The following PCDHGB2 variants were observed in gnomAD, a reference collection of about 807,000 sequenced individuals.
PCDHGB2 encodes protocadherin gamma subfamily B, 2, also known as protocadherin gamma-B2.
A neutral mutation model predicts 59.3 loss-of-function variants in PCDHGB2; 55 were observed. The ratio of observed to expected loss-of-function variants is 0.93; its 90% CI spans 0.75 to 1.16. The LOEUF (loss-of-function observed/expected upper bound fraction) is 1.16, where lower values mean the gene tolerates loss of function less well. PCDHGB2 is among the 50% of genes most tolerant of loss of function. The pLI is 0.00. For synonymous variants in PCDHGB2, 516 were observed against 512.0 expected (o/e 1.01, Z -0.11); for missense variants, 1,228 against 1,198.5 (o/e 1.02, Z -0.36).
chr5:141,496,923 C>T (rs963522127), intron 2 of PCDHGB2, among the ~76,000 whole-genome samples: 9 of 150,728 alleles, frequency 6.0e-5, no homozygotes, highest in East Asian at 1.9e-4. Context: ...CTGTGGTTCA[C>T]GCCTGTAATC....
At chr5:141,427,426 C>G (rs569185252) in intron 1 of PCDHGB2, 1 of 469,896 alleles carries the variant, frequency 2.1e-6, no homozygotes, top group Admixed American at 2.3e-5. Flanking sequence ...GGGGAGGTTA[C>G]ATGCCTCATA....
rs1486554010 is a variant in PCDHGB2 at position 141,431,630 on chromosome 5, G to C, written c.2422-63177G>C. Reference sequence around the variant, plus strand: ...GTATGTGGACGACAAGGCGGCCCAAGTTTTCAAACTAGATTGTAATTCAGG... The same window carrying C: ...GTATGTGGACGACAAGGCGGCCCAACTTTTCAAACTAGATTGTAATTCAGG... On this transcript the variant is annotated intron_variant, in intron 1 of 3. Transcript: ENST00000522605. This position sits in a 1 kb window ranked among gnomAD's most constrained non-coding sequence, Gnocchi z 4.8. 6.2e-7 allele frequency: 1 copy of C among 1,614,250 alleles called. No individual in the cohort carries two copies. Among genetic ancestry groups the C allele is most frequent in the East Asian group, 2.2e-5 (1 of 44,882 alleles).
intron 1 of PCDHGB2, chr5:141,383,627 C>G: frequency 1.2e-6 from 2 of 1,613,952 alleles, no homozygotes; most frequent in South Asian, 1.1e-5. Context: ...CCTGTCTTCT[C>G]TCTGCCTCAG....
chr5:141,364,631 C>G lies in PCDHGB2; in HGVS notation c.2421+2075C>G, dbSNP rs1185319581. ...GGAGGAGCTCTGCGCTCAGAGCCCA[C>G]TGTGTGTGGTGAACTTTAACATCTT... On this transcript the variant is annotated intron_variant, in intron 1 of 3. Coordinates refer to ENST00000522605, the MANE Select transcript of PCDHGB2 (RefSeq NM_018923.3). 1.2e-6 allele frequency: 2 copies of G among 1,614,122 alleles called. No individual in the cohort carries two copies. Among genetic ancestry groups the G allele is most frequent in the East Asian group, 2.2e-5 (1 of 44,886 alleles).
At chr5:141,433,212 T>C (rs747556366) in intron 1 of PCDHGB2, 75 of 1,570,956 alleles carry the variant, frequency 4.8e-5, no homozygotes, top group Non-Finnish European at 6.2e-5. Flanking sequence ...TTCTTTCTTT[T>C]TTTTTTTTAA....
chr5:141,508,799 C>T (rs962590711), intron 3 of PCDHGB2, among the ~76,000 whole-genome samples: 1 of 152,110 alleles, frequency 6.6e-6, no homozygotes, highest in Non-Finnish European at 1.5e-5. Context: ...ACTCTGGAAT[C>T]CTGGCTCTTT....
rs779462820 is a variant in PCDHGB2, at chr5:141,374,112, G to A, written c.2421+11556G>A. ...GCGCCTCCGCAGAGGCATCCGCAGC[G>A]CAGCGAGCAGGTCCTGCTCCTCACG... On this transcript the variant is annotated intron_variant, in intron 1 of 3. Coordinates refer to ENST00000522605, the MANE Select transcript of PCDHGB2 (RefSeq NM_018923.3). The A allele has an allele frequency of 5.1e-6, 8 of 1,578,426 alleles. No homozygotes were observed. The African/African-American group carries it at 9.5e-5, about 19-fold the overall frequency.
At chr5:141,369,788 C>G (rs187476843) in intron 1 of PCDHGB2, among the ~76,000 whole-genome samples, 1 of 152,338 alleles carries the variant, frequency 6.6e-6, no homozygotes, top group East Asian at 1.9e-4. Context: ...CCTCTTTATA[C>G]TACGTCTTCT....
intron 1 of PCDHGB2, chr5:141,398,947 A>G: frequency 1.2e-6 from 2 of 1,613,968 alleles, no homozygotes; most frequent in Admixed American, 1.7e-5. Context: ...CGAGGGCATC[A>G]ACTCAGAAAT....
chr5:141,392,194 T>C (rs1486735796), intron 1 of PCDHGB2: 1 of 152,238 alleles, frequency 6.6e-6, no homozygotes, highest in East Asian at 1.9e-4. Context: ...TCTATTTTAG[T>C]CTCAAGATAA....
intron 1 of PCDHGB2, chr5:141,388,223 A>G: frequency 6.2e-7 from 1 of 1,602,840 alleles, no homozygotes; most frequent in Non-Finnish European, 8.5e-7. Context: ...CTGAAAATCC[A>G]CTGAACTTTT....
At position 141,360,110 on chromosome 5, in the gene PCDHGB2, G is replaced by A. The variant is rs1180892188; in HGVS notation, c.-26G>A. 2 of 1,563,150 alleles carry A rather than the reference G, an allele frequency of 1.3e-6. No homozygotes were observed. Among genetic ancestry groups the A allele is most frequent in the Non-Finnish European group, 1.7e-6 (2 of 1,153,090 alleles). The stretch of plus-strand genomic sequence containing the variant: ...CCCCGGAAGGCTTATTCCTCCTATG[G>A]GCAAAGGAGCAAAGGGAGCCAGAAG... On this transcript the variant is annotated 5_prime_UTR_variant, in exon 1 of 4. Transcript: ENST00000522605.
chr5:141,408,263 C>G, intron 1 of PCDHGB2: 1 of 1,606,854 alleles, frequency 6.2e-7, no homozygotes. Flanking sequence ...ATTTCCTTTG[C>G]TGCTGCCTTT....
chr5:141,383,521 C>T (rs1434665459), intron 1 of PCDHGB2: 5 of 1,612,260 alleles, frequency 3.1e-6, no homozygotes, highest in Non-Finnish European at 4.2e-6. Flanking sequence ...AGAGCGGGTT[C>T]ACCACCTGGT....
chr5:141,418,523 C>T (rs2096266495), intron 1 of PCDHGB2: 1 of 1,613,958 alleles, frequency 6.2e-7, no homozygotes, highest in Non-Finnish European at 8.5e-7. Context: ...GGACCCTCCC[C>T]GAAGCGGTAC....
chr5:141,487,936 G>C lies in PCDHGB2; in HGVS notation c.2422-6871G>C. On this transcript the variant is annotated intron_variant, in intron 1 of 3. Coordinates refer to ENST00000522605, the MANE Select transcript of PCDHGB2 (RefSeq NM_018923.3). This position sits in a 1 kb window ranked among gnomAD's most constrained non-coding sequence, Gnocchi z 5.0. The stretch of plus-strand genomic sequence containing the variant: ...AGGAGGCTACAGTGCACAGGGTACA[G>C]TGCACCAGGCAGTCACTTGGACAAA... 4.9e-6 allele frequency: 3 copies of C among 607,906 alleles called. No homozygotes were observed. The highest frequency in any genetic ancestry group is 3.7e-5 in the African/African-American group (2 of 54,158). 37.7% of individuals were successfully genotyped at this position (607,906 alleles called of 1,614,324 possible). A position where few individuals can be genotyped will look rare whatever the true frequency, so the allele number is the denominator to read the frequency against.
chr5:141,389,249 T>A, intron 1 of PCDHGB2: 1 of 1,614,064 alleles, frequency 6.2e-7, no homozygotes, highest in Non-Finnish European at 8.5e-7. Flanking sequence ...AGTCTTCCTA[T>A]ATAGTCCACG....
At chr5:141,496,402 G>T (rs551923899) in intron 2 of PCDHGB2, among the ~76,000 whole-genome samples, 183 of 152,248 alleles carry the variant, frequency 1.2e-3, no homozygotes, top group African/African-American at 4.0e-3. Flanking sequence ...CCTCCTCAAT[G>T]GTTGAGTACT....
chr5:141,460,224 T>C (rs986301555), intron 1 of PCDHGB2, among the ~76,000 whole-genome samples: 1 of 152,168 alleles, frequency 6.6e-6, no homozygotes, highest in African/African-American at 2.4e-5. Context: ...GTTGTGTCTT[T>C]TGAAGAGCAG....
Sources: gnomAD v4.1 joint callset for allele counts (sites outside exome capture counted in the v4.1 genomes callset) on GRCh38, gnomAD v4.1.1 for gene constraint, Gnocchi (gnomAD v3.1) non-coding constraint, MANE v1.5 for transcripts, NCBI Gene and HGNC (gene_info 2026-07-23, HGNC 2026-07-21) for gene names.